The following DYM variants were observed in gnomAD, a reference collection of about 807,000 sequenced individuals.
The protein encoded by DYM is dyggve-Melchior-Clausen syndrome protein.
A neutral mutation model predicts 93.1 loss-of-function variants in DYM; 78 were observed. That is an observed-to-expected ratio of 0.84 (90% confidence interval 0.70 to 1.01). The LOEUF (loss-of-function observed/expected upper bound fraction) is 1.01, where lower values mean the gene tolerates loss of function less well. DYM is among the 50% of genes least tolerant of loss of function. DYM has a pLI of 0.00. For missense variants in DYM, 789 were observed against 845.0 expected, an observed-to-expected ratio of 0.93 and a Z score of 0.82; for synonymous variants, 321 against 319.7, an observed-to-expected ratio of 1.00 and a Z score of -0.04.
chr18:49,040,911 T>C lies in DYM; in HGVS notation c.*3144A>G, dbSNP rs1468322919. On this transcript the variant is annotated 3_prime_UTR_variant, in exon 18 of 18. Coordinates refer to ENST00000675505, the MANE Select transcript of DYM (RefSeq NM_001353214.3). ...AAAAGTTTCCCTCACTAAATATTTCTCTTGGATGTACCTTAGCAAGCTCTT... is the reference window on the plus strand; with the variant it reads ...AAAAGTTTCCCTCACTAAATATTTCCCTTGGATGTACCTTAGCAAGCTCTT... Among the ~76,000 whole-genome samples, 1 of 152,210 alleles carries C rather than the reference T, an allele frequency of 6.6e-6. No homozygotes were observed. Among genetic ancestry groups the C allele is most frequent in the African/African-American group, 2.4e-5 (1 of 41,456 alleles).
At chr18:49,080,493 G>T (rs2077817409) in intron 17 of DYM, among the ~76,000 whole-genome samples, 1 of 146,920 alleles carries the variant, frequency 6.8e-6, no homozygotes, top group South Asian at 2.2e-4. Flanking sequence ...CCCGGACGGG[G>T]CGGCTGGCCG....
intron 11 of DYM, among the ~76,000 whole-genome samples, chr18:49,264,085 A>T (rs1011852051): frequency 4.1e-5 from 6 of 146,922 alleles, no homozygotes; most frequent in African/African-American, 1.5e-4. Context: ...CACTATCCTG[A>T]AATTGGATGG....
At chr18:49,395,303 T>G (rs1012798248) in intron 2 of DYM, among the ~76,000 whole-genome samples, 1 of 150,740 alleles carries the variant, frequency 6.6e-6, no homozygotes, top group African/African-American at 2.4e-5. Flanking sequence ...AATTTAAAAA[T>G]GAACAAAATA....
intron 5 of DYM, among the ~76,000 whole-genome samples, chr18:49,367,719 G>A (rs2066646932): frequency 6.6e-6 from 1 of 152,170 alleles, no homozygotes; most frequent in African/African-American, 2.4e-5. Flanking sequence ...TTTGCGTTCA[G>A]AAGGTTGAAC....
chr18:49,168,110 A>G (rs1177919059), intron 14 of DYM, among the ~76,000 whole-genome samples: 2 of 152,180 alleles, frequency 1.3e-5, no homozygotes, highest in African/African-American at 4.8e-5. Flanking sequence ...GATAAAATAT[A>G]TTAATAACAT....
At chr18:49,412,275 A>C (rs80173991) in intron 2 of DYM, among the ~76,000 whole-genome samples, 13,823 of 151,550 alleles carry the variant, frequency 0.091, 856 homozygotes, top group East Asian at 0.31. Context: ...ACACAGTGAG[A>C]AAGAAGAGGA....
intron 14 of DYM, among the ~76,000 whole-genome samples, chr18:49,193,150 G>T (rs868294459): frequency 6.6e-6 from 1 of 151,396 alleles, no homozygotes; most frequent in African/African-American, 2.4e-5. Flanking sequence ...ACACCACTTT[G>T]CACCCCATAA....
intron 2 of DYM, among the ~76,000 whole-genome samples, chr18:49,428,179 G>A (rs899350843): frequency 1.1e-4 from 16 of 150,484 alleles, no homozygotes; most frequent in Non-Finnish European, 1.6e-4. Flanking sequence ...CAGTCACGGC[G>A]GGGCGCAGTG....
chr18:49,185,687 T>C (rs1481783006), intron 14 of DYM, among the ~76,000 whole-genome samples: 5 of 152,240 alleles, frequency 3.3e-5, no homozygotes, highest in Admixed American at 2.0e-4. Context: ...GTGCTTAGCA[T>C]GTGACATGTA....
chr18:49,219,966 C>A (rs79755401), intron 13 of DYM, among the ~76,000 whole-genome samples: 20,877 of 148,438 alleles, frequency 0.14, 1,980 homozygotes, highest in East Asian at 0.23. Flanking sequence ...GTCAAATTGT[C>A]CCTGTTTGCA....
intron 11 of DYM, among the ~76,000 whole-genome samples, chr18:49,260,769 G>T (rs1033879814): frequency 2.6e-5 from 4 of 151,658 alleles, no homozygotes; most frequent in Non-Finnish European, 5.9e-5. Flanking sequence ...AAGGCATTAT[G>T]ATTCTAGAAT....
At chr18:49,135,250 C>T (rs72921698) in intron 15 of DYM, among the ~76,000 whole-genome samples, 2 of 152,146 alleles carry the variant, frequency 1.3e-5, no homozygotes, top group Non-Finnish European at 2.9e-5. Flanking sequence ...ACTGAAGACA[C>T]AAAAAACTAC....
At chr18:49,379,642 C>T (rs767343343) in intron 4 of DYM, 23 bp downstream of exon 4, 3 of 1,563,830 alleles carry the variant, frequency 1.9e-6, no homozygotes, top group Non-Finnish European at 2.6e-6. Flanking sequence ...ATAAAGCAAA[C>T]ATGGTTTAAT....
chr18:49,135,789 TA>T (rs2083789850), intron 15 of DYM, among the ~76,000 whole-genome samples: 1 of 152,250 alleles, frequency 6.6e-6, no homozygotes, highest in South Asian at 2.1e-4. Context: ...TTTAAGAACC[TA>T]AATGCTATTG....
intron 6 of DYM, among the ~76,000 whole-genome samples, chr18:49,355,415 T>C (rs1381187386): frequency 6.6e-6 from 1 of 152,030 alleles, no homozygotes; most frequent in Non-Finnish European, 1.5e-5. Context: ...CACTGATAGA[T>C]ACAATTGACA....
At chr18:49,300,082 T>C (rs1390893749) in intron 8 of DYM, among the ~76,000 whole-genome samples, 1 of 135,110 alleles carries the variant, frequency 7.4e-6, no homozygotes, top group Non-Finnish European at 1.6e-5. Context: ...TATATATATA[T>C]ATAAATATAT....
chr18:49,092,895 G>T (rs2079177857), intron 17 of DYM, among the ~76,000 whole-genome samples: 1 of 152,156 alleles, frequency 6.6e-6, no homozygotes, highest in Admixed American at 6.5e-5. Flanking sequence ...GGGACAGCAA[G>T]CCATGGAGAA....
intron 2 of DYM, among the ~76,000 whole-genome samples, chr18:49,404,197 G>A (rs1599958513): frequency 6.6e-6 from 1 of 152,082 alleles, no homozygotes; most frequent in East Asian, 1.9e-4. Context: ...TAGTAGAAAT[G>A]GGGTTTCACC....
chr18:49,253,126 C>T (rs2094324535), intron 13 of DYM, among the ~76,000 whole-genome samples: 1 of 152,166 alleles, frequency 6.6e-6, no homozygotes, highest in Non-Finnish European at 1.5e-5. Context: ...AACATGTTAT[C>T]TGTTTTGCAT....
Sources: gnomAD v4.1 joint callset for allele counts (sites outside exome capture counted in the v4.1 genomes callset) on GRCh38, gnomAD v4.1.1 for gene constraint, MANE v1.5 for transcripts, NCBI Gene and HGNC (gene_info 2026-07-23, HGNC 2026-07-21) for gene names.